The following CDKL3 variants were observed in gnomAD, a reference collection of about 807,000 sequenced individuals.
CDKL3 encodes the protein cyclin dependent kinase like 3.
CDKL3 carries 65 observed loss-of-function variants against 69.3 expected under a neutral mutation model. That is an observed-to-expected ratio of 0.94 (90% CI 0.77 to 1.15). The LOEUF (loss-of-function observed/expected upper bound fraction) is 1.15. Ranked by LOEUF, CDKL3 falls within the 50% of genes most tolerant of loss-of-function variation. CDKL3 has a pLI of 0.00. For synonymous variants in CDKL3, 202 were observed against 221.6 expected, an observed-to-expected ratio of 0.91 and a Z score of 0.79; for missense variants, 652 against 689.2, an observed-to-expected ratio of 0.95 and a Z score of 0.61.
intron 4 of CDKL3, among the ~76,000 whole-genome samples, chr5:134,341,173 T>A (rs1441346466): frequency 6.6e-6 from 1 of 151,948 alleles, no homozygotes; most frequent in East Asian, 1.9e-4. Flanking sequence ...CTCAACAAAC[T>A]AAGAATAAAA....
In CDKL3 at chr5:134,308,167, G is replaced by A; in HGVS notation, c.1335C>T (p.Leu445=). The A allele has an allele frequency of 6.2e-7, 1 of 1,613,412 alleles. No individual in the cohort carries two copies. The highest frequency in any genetic ancestry group is 1.1e-5 in the South Asian group (1 of 91,012). The change falls in exon 9 of 13, where the codon CTC becomes CTT. Residue 445 remains leucine (L), a synonymous_variant. Transcript: ENST00000265334. The part of the protein sequence containing the change: ...LTNSNLMAAN[L]SSNLFHPSVR... ...CACTGGGGTGAAAGAGATTTGAACT[G>A]AGATTTGCAGCCATCAAATTACTGT... is the stretch of plus-strand genomic sequence containing the variant.
intron 4 of CDKL3, among the ~76,000 whole-genome samples, chr5:134,343,010 G>C (rs1750905742): frequency 6.6e-6 from 1 of 152,102 alleles, no homozygotes; most frequent in East Asian, 1.9e-4. Context: ...TTCAAGACCA[G>C]CCGGGCCAAC....
intron 4 of CDKL3, among the ~76,000 whole-genome samples, chr5:134,327,144 C>G (rs1774600492): frequency 6.6e-6 from 1 of 151,956 alleles, no homozygotes; most frequent in Non-Finnish European, 1.5e-5. Flanking sequence ...AGGCTAAGTT[C>G]TGGGTGATTA....
At chr5:134,335,321 C>T (rs189743176) in intron 4 of CDKL3, among the ~76,000 whole-genome samples, 1 of 152,218 alleles carries the variant, frequency 6.6e-6, no homozygotes, top group East Asian at 1.9e-4. Context: ...AGCTCATTTA[C>T]ATTTAAGGTT....
intron 4 of CDKL3, 46 bp from the exon 5 acceptor site, chr5:134,321,949 T>G: frequency 1.0e-6 from 1 of 953,836 alleles, no homozygotes; most frequent in Non-Finnish European, 1.6e-6. Context: ...ATGTAGAAAT[T>G]TATAAATATA....
intron 12 of CDKL3, among the ~76,000 whole-genome samples, chr5:134,301,030 T>G (rs184506736): frequency 1.3e-5 from 2 of 152,094 alleles, no homozygotes; most frequent in African/African-American, 4.8e-5. Context: ...AGTTTCACTC[T>G]TGTTGTCTAG....
At position 134,367,001 on chromosome 5, in the gene CDKL3, G is replaced by A; in HGVS notation, c.-46C>T. On this transcript the variant is annotated 5_prime_UTR_variant, in exon 1 of 13. Transcript: ENST00000265334. Reference sequence around the variant, plus strand: ...CCGGCGTCACGCCCCACGTCCCGCTGTTGACTTTATCCAAACAGCCGCCGC... The same window carrying A: ...CCGGCGTCACGCCCCACGTCCCGCTATTGACTTTATCCAAACAGCCGCCGC... 1.0e-6 allele frequency: 1 copy of A among 989,564 alleles called. No homozygotes were observed. The highest frequency in any genetic ancestry group is 1.2e-6 in the Non-Finnish European group (1 of 832,804). The allele number at this position is 989,564 out of a possible 1,614,324, so 61.3% of individuals were successfully genotyped here.
At chr5:134,296,038 AG>A (rs1261780651), downstream of CDKL3, among the ~76,000 whole-genome samples, 1 of 152,178 alleles carries the variant, frequency 6.6e-6, no homozygotes, top group East Asian at 1.9e-4. Flanking sequence ...CTGGGACGAC[AG>A]GTGCCCACCA....
chr5:134,335,904 C>G (rs1477326557), intron 4 of CDKL3, among the ~76,000 whole-genome samples: 3 of 152,152 alleles, frequency 2.0e-5, no homozygotes, highest in Admixed American at 2.0e-4. Flanking sequence ...TGGGTAATAT[C>G]CTGAAGAGTG....
chr5:134,289,263 C>G (rs571335354), intron 8 of CDKL3, among the ~76,000 whole-genome samples: 2 of 151,226 alleles, frequency 1.3e-5, no homozygotes, highest in Non-Finnish European at 2.9e-5. Context: ...ATCACATTTT[C>G]TGTTTGAAGA....
chr5:134,333,530 T>A (rs895199846), intron 4 of CDKL3, among the ~76,000 whole-genome samples: 3 of 152,258 alleles, frequency 2.0e-5, no homozygotes, highest in Non-Finnish European at 2.9e-5. Flanking sequence ...GAAATGCTGT[T>A]GAATTTTGTC....
At chr5:134,347,811 C>T (rs1752316376) in intron 4 of CDKL3, among the ~76,000 whole-genome samples, 1 of 151,456 alleles carries the variant, frequency 6.6e-6, no homozygotes, top group Admixed American at 6.6e-5. Context: ...ATGAAATGTC[C>T]AGAATAGGCA....
At chr5:134,303,937 A>AAAT (rs1554078133) in intron 11 of CDKL3, among the ~76,000 whole-genome samples, 1 of 147,322 alleles carries the variant, frequency 6.8e-6, no homozygotes, top group South Asian at 2.1e-4. Context: ...TTAAAAAAAA[A>AAAT]TTTTTTTTTT....
chr5:134,328,012 C>G (rs1774835745), intron 4 of CDKL3, among the ~76,000 whole-genome samples: 1 of 152,090 alleles, frequency 6.6e-6, no homozygotes, highest in Admixed American at 6.6e-5. Context: ...TACAAACAAG[C>G]AAATAACAGT....
chr5:134,328,792 A>G (rs1309418359), intron 4 of CDKL3, among the ~76,000 whole-genome samples: 2 of 152,204 alleles, frequency 1.3e-5, no homozygotes, highest in Non-Finnish European at 2.9e-5. Flanking sequence ...AACTTTGGTA[A>G]GATTAACAAC....
Position 134,365,759 on chromosome 5 carries a change from G to A in CDKL3, c.165+600C>T, listed in dbSNP as rs1225005677. On this transcript the variant is annotated intron_variant, in intron 2 of 12. Coordinates refer to ENST00000265334, the MANE Select transcript of CDKL3 (RefSeq NM_001113575.2). ...TGCTCAGAAAACTCTACAGGCACAT[G>A]TCTTTGCTCTTTGTCCTTTCCACTT... Among the ~76,000 whole-genome samples the A allele has an allele frequency of 2.0e-5, 3 of 152,010 alleles. No individual in the cohort carries two copies. In the Admixed American group the frequency reaches 2.0e-4, roughly 10 times the overall value.
At chr5:134,348,375 T>TC (rs1752453009) in intron 4 of CDKL3, among the ~76,000 whole-genome samples, 1 of 152,202 alleles carries the variant, frequency 6.6e-6, no homozygotes, top group African/African-American at 2.4e-5. Context: ...GGTGGAGCTA[T>TC]CCATTTGTTA....
intron 4 of CDKL3, among the ~76,000 whole-genome samples, chr5:134,332,835 C>A (rs1228059082): frequency 6.6e-6 from 1 of 152,130 alleles, no homozygotes; most frequent in Non-Finnish European, 1.5e-5. Flanking sequence ...GTGAAGAAAG[C>A]CAGTGGTAGC....
upstream of CDKL3, among the ~76,000 whole-genome samples, chr5:134,370,444 C>CT (rs1239253508): frequency 5.3e-5 from 8 of 152,204 alleles, no homozygotes; most frequent in Non-Finnish European, 8.8e-5. Context: ...TCACTCATGT[C>CT]TGCCGGAGCT....
Sources: allele counts gnomAD v4.1 joint callset (sites outside exome capture counted in the v4.1 genomes callset), GRCh38; gene constraint gnomAD v4.1.1; transcripts MANE v1.5; gene names NCBI Gene and HGNC (gene_info 2026-07-23, HGNC 2026-07-21).